Variants in ABCB1 observed in about 807,000 individuals in gnomAD.
The protein encoded by ABCB1 is ATP-dependent translocase ABCB1.
ABCB1 carries 69 observed loss-of-function variants against 142.0 expected under a neutral mutation model. That is an observed-to-expected ratio of 0.49 (90% confidence interval 0.40 to 0.59). ABCB1 has a LOEUF of 0.59. Among genes scored for constraint, ABCB1 ranks in the 20% least tolerant of loss-of-function variants. ABCB1 has a pLI of 0.00. For missense variants in ABCB1, 1,326 were observed against 1,554.7 expected (o/e 0.85, Z 2.47); for synonymous variants, 532 against 539.2 (o/e 0.99, Z 0.18).
chr7:87,594,289 T>C (rs190952452), intron 3 of ABCB1, among the ~76,000 whole-genome samples: 8 of 152,318 alleles, frequency 5.3e-5, no homozygotes, highest in African/African-American at 1.7e-4. Context: ...AATAATAGTA[T>C]CTTTCTCAAA....
At chr7:87,614,908 C>A (rs1170338848) in intron 1 of ABCB1, among the ~76,000 whole-genome samples, 3 of 151,890 alleles carry the variant, frequency 2.0e-5, no homozygotes, top group Non-Finnish European at 4.4e-5. Context: ...TGCGGTGGCA[C>A]CATCTCAGCT....
chr7:87,536,401 A>G, intron 20 of ABCB1, 57 bp downstream of exon 20: 1 of 1,533,162 alleles, frequency 6.5e-7, no homozygotes, highest in African/African-American at 1.4e-5. Flanking sequence ...AATTAGTTTC[A>G]TGCTGGGGTC....
chr7:87,624,190 C>T (rs1820327076), intron 1 of ABCB1, among the ~76,000 whole-genome samples: 1 of 152,144 alleles, frequency 6.6e-6, no homozygotes, highest in Non-Finnish European at 1.5e-5. Context: ...GATGATTGAG[C>T]TTTCACACAC....
chr7:87,558,349 C>T (rs1817396325), intron 8 of ABCB1, among the ~76,000 whole-genome samples: 1 of 152,034 alleles, frequency 6.6e-6, no homozygotes, highest in African/African-American at 2.4e-5. Flanking sequence ...TTGTTCATTC[C>T]TGGTTTACAG....
chr7:87,576,685 A>G (rs940537954), intron 4 of ABCB1, among the ~76,000 whole-genome samples: 5 of 151,684 alleles, frequency 3.3e-5, no homozygotes, highest in Non-Finnish European at 7.4e-5. Context: ...TTAACATCAC[A>G]TTCAACTTAA....
At chr7:87,651,004 A>G in intron 1 of ABCB1, 1 of 894,162 alleles carries the variant, frequency 1.1e-6, no homozygotes, top group Non-Finnish European at 1.8e-6. Flanking sequence ...AAATTTTAGA[A>G]ATCATACAGT....
chr7:87,542,016 A>T (rs1412662910), intron 17 of ABCB1, among the ~76,000 whole-genome samples: 2 of 152,198 alleles, frequency 1.3e-5, no homozygotes, highest in Non-Finnish European at 2.9e-5. Flanking sequence ...AATTTTTTCC[A>T]GAGATAGTTA....
chr7:87,642,316 A>G (rs1271399616), intron 1 of ABCB1, among the ~76,000 whole-genome samples: 1 of 152,044 alleles, frequency 6.6e-6, no homozygotes, highest in African/African-American at 2.4e-5. Context: ...CATGAAGACT[A>G]TATGTTATGG....
At chr7:87,632,337 A>T (rs1450254868) in intron 1 of ABCB1, among the ~76,000 whole-genome samples, 1 of 152,240 alleles carries the variant, frequency 6.6e-6, no homozygotes, top group African/African-American at 2.4e-5. Context: ...TAATCAGATA[A>T]AGAGCTGAAT....
intron 4 of ABCB1, among the ~76,000 whole-genome samples, chr7:87,570,521 A>C (rs984539825): frequency 1.3e-5 from 2 of 152,204 alleles, no homozygotes; most frequent in Admixed American, 1.3e-4. Flanking sequence ...ATTTTTTGGA[A>C]TATCACTCCA....
rs1421144096 is a variant in ABCB1, at chr7:87,628,496, C to G, written c.-330-27418G>C. 4 of 222,112 alleles carry G rather than the reference C, an allele frequency of 1.8e-5. No homozygotes were observed. In the East Asian group the frequency reaches 3.5e-4, roughly 20 times the overall value. The allele number at this position is 222,112 out of a possible 1,614,324, so 13.8% of individuals were successfully genotyped here. On this transcript the variant is annotated intron_variant, in intron 1 of 28. Coordinates refer to the ABCB1 transcript ENST00000265724. ...GCGCGCGCGCCGTCTGCTGAGGTCC[C>G]TCGGGAAGGAGGAGAGCGCCTGACG... is the stretch of plus-strand genomic sequence containing the variant.
intron 8 of ABCB1, among the ~76,000 whole-genome samples, chr7:87,559,101 C>T (rs1817438538): frequency 6.6e-6 from 1 of 151,996 alleles, no homozygotes; most frequent in East Asian, 1.9e-4. Context: ...AATGAACTCA[C>T]AACTTTTTTT....
At chr7:87,662,882 A>G (rs1824857682) in intron 1 of ABCB1, among the ~76,000 whole-genome samples, 1 of 152,148 alleles carries the variant, frequency 6.6e-6, no homozygotes, top group Admixed American at 6.6e-5. Context: ...ATTCACTAAC[A>G]TGGAATATCT....
chr7:87,512,058 G>GT (rs1815035984), intron 25 of ABCB1, among the ~76,000 whole-genome samples: 1 of 152,108 alleles, frequency 6.6e-6, no homozygotes, highest in Non-Finnish European at 1.5e-5. Flanking sequence ...GCTCTTCCCT[G>GT]TAAGTATTGA....
chr7:87,683,826 A>G (rs1433230688), intron 1 of ABCB1, among the ~76,000 whole-genome samples: 2 of 152,238 alleles, frequency 1.3e-5, no homozygotes, highest in Admixed American at 1.3e-4. Flanking sequence ...CAAGGTTGAC[A>G]CAAACCTTCA....
intron 1 of ABCB1, among the ~76,000 whole-genome samples, chr7:87,676,457 T>C (rs1283363008): frequency 1.3e-5 from 2 of 152,030 alleles, no homozygotes; most frequent in Non-Finnish European, 2.9e-5. Flanking sequence ...TTCCATCACT[T>C]TGGGAGGCCA....
chr7:87,693,874 T>C, intron 1 of ABCB1: 1 of 1,596,002 alleles, frequency 6.3e-7, no homozygotes. Flanking sequence ...TTCTTAAATA[T>C]CTGTGTGTTG....
intron 1 of ABCB1, chr7:87,628,911 G>T: frequency 7.6e-7 from 1 of 1,309,244 alleles, no homozygotes; most frequent in Non-Finnish European, 9.8e-7. Context: ...CCGCAATGCT[G>T]CGGTGGAGAG....
Position 87,544,854 on chromosome 7 carries a change from T to A in ABCB1, c.2033A>T (p.Gln678Leu). 1 of 1,614,116 alleles carries A rather than the reference T, an allele frequency of 6.2e-7. No homozygotes were observed. Among genetic ancestry groups the A allele is most frequent in the Non-Finnish European group, 8.5e-7 (1 of 1,180,000 alleles). ...TRRSVRGSQA[Q>L]DRKLSTKEAL... ...CTCTTTGGTACTAAGCTTTCTGTCT[T>A]GGGCTTGTGATCCACGGACACTCCT... Residue 678 changes from glutamine (Q) to leucine (L), a missense_variant, in exon 16 of 28, where the codon CAA (glutamine) becomes CTA (leucine). Coordinates refer to ENST00000622132, the MANE Select transcript of ABCB1 (RefSeq NM_001348946.2).
Sources: allele counts gnomAD v4.1 joint callset (sites outside exome capture counted in the v4.1 genomes callset), GRCh38; gene constraint gnomAD v4.1.1; transcripts MANE v1.5; gene names NCBI Gene and HGNC (gene_info 2026-07-23, HGNC 2026-07-21).